Variants in ANKMY1 observed in about 807,000 individuals in gnomAD.
The protein encoded by ANKMY1 is ankyrin repeat and MYND domain-containing protein 1.
ANKMY1 carries 98 observed loss-of-function variants against 102.0 expected under a neutral mutation model. The observed-to-expected ratio is 0.96, with a 90% CI of 0.82 to 1.14. The LOEUF (loss-of-function observed/expected upper bound fraction) is 1.14, where lower values mean the gene tolerates loss of function less well. ANKMY1 is among the 50% of genes most tolerant of loss of function. The pLI is 0.00. For synonymous variants in ANKMY1, 582 were observed against 559.9 expected (o/e 1.04, Z -0.56); for missense variants, 1,330 against 1,347.6 (o/e 0.99, Z 0.20).
chr2:240,521,491 C>CTTTTTTT lies in ANKMY1; in HGVS notation c.1833-965_1833-959dup, dbSNP rs1162330484. On this transcript the variant is annotated intron_variant, in intron 8 of 17. Transcript: ENST00000401804. ...AGTCGCGGAACTCGCGGTGTTACAG[C>CTTTTTTT]TTTTTTTTTTTTTTTTTTTTTTTTT... is the stretch of plus-strand genomic sequence containing the variant. Among the ~76,000 whole-genome samples, 6 of 69,626 alleles carry CTTTTTTT rather than the reference C, an allele frequency of 8.6e-5. 1 individual carries two copies. Among genetic ancestry groups the CTTTTTTT allele is most frequent in the African/African-American group, 2.4e-4 (4 of 16,634 alleles). 45.7% of individuals were successfully genotyped at this position (69,626 alleles called of 152,430 possible).
chr2:240,496,378 AG>A (rs2077264913), intron 15 of ANKMY1, among the ~76,000 whole-genome samples: 1 of 151,764 alleles, frequency 6.6e-6, no homozygotes, highest in Non-Finnish European at 1.5e-5. Context: ...ATAGATAGAT[AG>A]ATAGATAGAT....
chr2:240,500,689 G>T, intron 13 of ANKMY1, 124 bp from the exon 14 acceptor site: 1 of 734,684 alleles, frequency 1.4e-6, no homozygotes, highest in Non-Finnish European at 2.3e-6. Flanking sequence ...TGCAGTGTGC[G>T]GGAATGCCCA....
chr2:240,500,651 C>T lies in ANKMY1; in HGVS notation c.2527-86G>A, dbSNP rs542552730. ...AGCACCGCCTGAGAAGGGCCATGGT[C>T]ACCTGCAGTCCCCACCAAGGCCGCC... On this transcript the variant is annotated intron_variant, in intron 13 of 17. Coordinates refer to ENST00000401804, the MANE Select transcript of ANKMY1 (RefSeq NM_001282771.3). 3 of 1,176,978 alleles carry T rather than the reference C, an allele frequency of 2.5e-6. No homozygotes were observed. The South Asian group carries it at 4.1e-5, about 16-fold the overall frequency. 72.9% of individuals were successfully genotyped at this position (1,176,978 alleles called of 1,614,324 possible).
At chr2:240,495,144 G>A (rs892377469) in intron 15 of ANKMY1, among the ~76,000 whole-genome samples, 2 of 152,128 alleles carry the variant, frequency 1.3e-5, no homozygotes, top group Non-Finnish European at 2.9e-5. Context: ...TTGGTCTAGC[G>A]GTAACACCAG....
chr2:240,513,914 G>A (rs2080721759), intron 9 of ANKMY1, among the ~76,000 whole-genome samples: 1 of 152,236 alleles, frequency 6.6e-6, no homozygotes. Flanking sequence ...ATGTTGGGGA[G>A]GCCGGTGCTG....
intron 8 of ANKMY1, chr2:240,522,855 G>A (rs2082583001): frequency 6.6e-6 from 1 of 152,238 alleles, no homozygotes; most frequent in Admixed American, 6.5e-5. Context: ...TGAAGGTCTT[G>A]GTGGTGGTGG....
chr2:240,545,417 G>A (rs1323199439), intron 4 of ANKMY1, among the ~76,000 whole-genome samples: 1 of 152,218 alleles, frequency 6.6e-6, no homozygotes, highest in East Asian at 1.9e-4. Context: ...GGAAAAAGCA[G>A]AGCAGAAAAA....
intron 9 of ANKMY1, among the ~76,000 whole-genome samples, chr2:240,515,445 A>G (rs1382551862): frequency 3.3e-5 from 5 of 151,994 alleles, no homozygotes; most frequent in African/African-American, 4.8e-5. Flanking sequence ...TGGGGCAGGA[A>G]AATCACTTGA....
At chr2:240,550,394 G>A (rs1461910254) in intron 4 of ANKMY1, among the ~76,000 whole-genome samples, 2 of 150,210 alleles carry the variant, frequency 1.3e-5, no homozygotes, top group Non-Finnish European at 3.0e-5. Flanking sequence ...GGATAGCATT[G>A]GGAGATATAC....
chr2:240,532,082 AG>A, intron 4 of ANKMY1: 1 of 469,292 alleles, frequency 2.1e-6, no homozygotes, highest in Non-Finnish European at 4.4e-6. Flanking sequence ...CAATATTTGA[AG>A]AAATAACAGT....
At position 240,511,899 on chromosome 2, in the gene ANKMY1, C is replaced by T. The variant is rs759423593; in HGVS notation, c.2248G>A (p.Ala750Thr). 7 of 1,587,016 alleles carry T rather than the reference C, an allele frequency of 4.4e-6. No individual in the cohort carries two copies. The highest frequency in any genetic ancestry group is 1.8e-5 in the Admixed American group (1 of 57,122). Residue 750 changes from alanine (A) to threonine (T), a missense_variant, in exon 11 of 18, where the codon GCT becomes ACT. Physicochemically the swap from Ala to Thr is moderately conservative, Grantham distance 58. Coordinates refer to ENST00000401804, the MANE Select transcript of ANKMY1 (RefSeq NM_001282771.3). ...TCCCGCTCGCAGGCCATGTGCAGAG[C>T]CGTCCTGCCCCCCTCCTCCGGGAGG... ...TALPEEGGRT[A>T]LHMACEREDD...
chr2:240,505,767 A>T (rs2078969059), intron 13 of ANKMY1, among the ~76,000 whole-genome samples: 1 of 152,206 alleles, frequency 6.6e-6, no homozygotes, highest in South Asian at 2.1e-4. Flanking sequence ...AAAGAAGTCG[A>T]AGCCCAGTCA....
chr2:240,524,532 C>G, intron 7 of ANKMY1, 151 bp from the exon 8 acceptor site: 4 of 895,106 alleles, frequency 4.5e-6, no homozygotes, highest in South Asian at 1.8e-5. Context: ...CCCAAACCCT[C>G]AAAGAGAAAA....
At chr2:240,526,514 G>A (rs1363310742) in intron 5 of ANKMY1, 69 bp from the exon 6 acceptor site, 17 of 1,595,284 alleles carry the variant, frequency 1.1e-5, no homozygotes, top group Non-Finnish European at 1.3e-5. Flanking sequence ...GGGTCCAGCT[G>A]GACCACCTCC....
rs184153440 is a variant in ANKMY1 at position 240,519,222 on chromosome 2, C to G, written c.2004+1140G>C. 3.2e-3 allele frequency among the ~76,000 whole-genome samples: 482 copies of G among 152,336 alleles called. 2 individuals carry two copies. Among genetic ancestry groups the G allele is most frequent in the African/African-American group, 0.011 (443 of 41,580 alleles). On this transcript the variant is annotated intron_variant, in intron 9 of 17. Coordinates refer to ENST00000401804, the MANE Select transcript of ANKMY1 (RefSeq NM_001282771.3). Reference sequence around the variant, plus strand: ...GAATCTTCACAGCCACTGTGGACAGCAGTGGTTTCTTGAGTGTGGATGGGT... The same window carrying G: ...GAATCTTCACAGCCACTGTGGACAGGAGTGGTTTCTTGAGTGTGGATGGGT...
At chr2:240,560,538 A>G, upstream of ANKMY1, 3 of 1,184,870 alleles carry the variant, frequency 2.5e-6, no homozygotes, top group African/African-American at 1.6e-5. Flanking sequence ...CGGGGGACCC[A>G]AGCCCCAGCC....
intron 13 of ANKMY1, among the ~76,000 whole-genome samples, chr2:240,505,184 G>A (rs868763292): frequency 3.9e-5 from 6 of 151,960 alleles, no homozygotes; most frequent in Admixed American, 2.0e-4. Flanking sequence ...ACGTATGGCC[G>A]GGCGCGGTGG....
chr2:240,485,089 G>T (rs567847860), intron 15 of ANKMY1, among the ~76,000 whole-genome samples: 1 of 152,144 alleles, frequency 6.6e-6, no homozygotes. Flanking sequence ...AGCACTTTGG[G>T]AGGCTGAGGT....
In ANKMY1 at chr2:240,524,371, T is replaced by C; in HGVS notation, c.1346A>G (p.Lys449Arg). Residue 449 changes from lysine (K) to arginine (R), a missense_variant, in exon 8 of 18, where the codon AAA becomes AGA. Physicochemically the swap from Lys to Arg is conservative, Grantham distance 26 (BLOSUM62 2). Transcript: ENST00000401804. ...RTIPEPQEPP[K>R]FPVVPILSSS... Reference sequence around the variant, plus strand: ...TGAAAGGATTGGAACAACTGGGAATTTTGGAGGTTCCTTTGGAAAGAACCA... The same window carrying C: ...TGAAAGGATTGGAACAACTGGGAATCTTGGAGGTTCCTTTGGAAAGAACCA... The C allele has an allele frequency of 6.3e-7, 1 of 1,591,738 alleles. No homozygotes were observed. Among genetic ancestry groups the C allele is most frequent in the Non-Finnish European group, 8.6e-7 (1 of 1,167,110 alleles).
Sources: allele counts gnomAD v4.1 joint callset (sites outside exome capture counted in the v4.1 genomes callset), GRCh38; gene constraint gnomAD v4.1.1; transcripts MANE v1.5; gene names NCBI Gene and HGNC (gene_info 2026-07-23, HGNC 2026-07-21).